ABL2: variants seen among roughly 807,000 people sequenced by gnomAD.
ABL2 encodes the protein ABL proto-oncogene 2, non-receptor tyrosine kinase.
In ABL2, 49 loss-of-function variants were observed where a neutral mutation model predicts 107.7. That is an observed-to-expected ratio of 0.45 (90% confidence interval 0.36 to 0.58). The LOEUF is 0.58. Among genes scored for constraint, ABL2 ranks in the 20% least tolerant of loss-of-function variants. The pLI, the probability that ABL2 is intolerant of heterozygous loss-of-function variation, is 0.00. For missense variants in ABL2, 1,245 were observed against 1,457.0 expected (o/e 0.85, Z 2.37); for synonymous variants, 549 against 548.6 (o/e 1.00, Z -0.01).
intron 2 of ABL2, 76 bp from the exon 3 acceptor site, chr1:179,131,557 C>T: frequency 6.9e-7 from 1 of 1,451,740 alleles, no homozygotes; most frequent in South Asian, 1.2e-5. Context: ...ATTATATACA[C>T]AGTATTTCAG....
At chr1:179,111,747 C>A (rs1476293321) in intron 10 of ABL2, among the ~76,000 whole-genome samples, 3 of 151,748 alleles carry the variant, frequency 2.0e-5, no homozygotes, top group African/African-American at 7.3e-5. Flanking sequence ...CTTTCCATGT[C>A]AATATATCCA....
chr1:179,115,875 A>G (rs560497136), intron 8 of ABL2, among the ~76,000 whole-genome samples: 1 of 152,334 alleles, frequency 6.6e-6, no homozygotes, highest in East Asian at 1.9e-4. Context: ...CCAGTAAAAA[A>G]TGACTTAGAA....
intron 1 of ABL2, among the ~76,000 whole-genome samples, chr1:179,147,569 A>G (rs767294187): frequency 1.3e-5 from 2 of 152,228 alleles, no homozygotes; most frequent in Non-Finnish European, 2.9e-5. Context: ...TTGCAGCAAC[A>G]TGGTTGGAAC....
chr1:179,110,463 G>A lies in ABL2; in HGVS notation c.1652-8C>T, dbSNP rs1459824851. 6.3e-7 allele frequency: 1 copy of A among 1,598,088 alleles called. No homozygotes were observed. Among genetic ancestry groups the A allele is most frequent in the Non-Finnish European group, 8.5e-7 (1 of 1,175,686 alleles). Reference sequence around the variant, plus strand: ...CAAGCTCCTCAGCTACCTCTGTGAGGAAGACAAGGGGACCAATAAAAAGAA... The same window carrying A: ...CAAGCTCCTCAGCTACCTCTGTGAGAAAGACAAGGGGACCAATAAAAAGAA... On this transcript the variant is annotated splice_polypyrimidine_tract_variant and splice_region_variant and intron_variant, in intron 10 of 11. Transcript: ENST00000502732.
intron 1 of ABL2, among the ~76,000 whole-genome samples, chr1:179,142,769 G>A (rs1477516534): frequency 6.6e-6 from 1 of 151,974 alleles, no homozygotes; most frequent in Non-Finnish European, 1.5e-5. Context: ...AGTATTTATT[G>A]AGATCCTACT....
intron 1 of ABL2, among the ~76,000 whole-genome samples, chr1:179,199,835 C>G (rs1661561336): frequency 6.7e-6 from 1 of 149,258 alleles, no homozygotes; most frequent in African/African-American, 2.5e-5. Context: ...TGCGCTCAAG[C>G]AATCCTCTCA....
chr1:179,109,842 G>A (rs1454912555), intron 11 of ABL2, among the ~76,000 whole-genome samples: 1 of 151,748 alleles, frequency 6.6e-6, no homozygotes, highest in Non-Finnish European at 1.5e-5. Flanking sequence ...GCAGGAGAAT[G>A]GCGTGAACCC....
rs1400502071 is a variant in ABL2, at chr1:179,108,487, T to A, written c.2780A>T (p.His927Leu). The change falls in exon 12 of 12, where the codon CAC (histidine) becomes CTC (leucine). Residue 927 changes from histidine (H) to leucine (L), a missense_variant. By Grantham distance (99) the His-to-Leu change is moderately conservative (BLOSUM62 -3). Around this residue, in one of 3 missense-constraint regions of ABL2, gnomAD observed 761 missense variants for 766.4 expected, o/e 0.99. Coordinates refer to ENST00000502732, the MANE Select transcript of ABL2 (RefSeq NM_007314.4). ...AKAAPVLPTT[H>L]NHKVPVLISP... Reference sequence around the variant, plus strand: ...GATAAGGACTGGCACTTTGTGGTTGTGAGTGGTTGGGAGGACGGGGGCAGC... The same window carrying A: ...GATAAGGACTGGCACTTTGTGGTTGAGAGTGGTTGGGAGGACGGGGGCAGC... 6.2e-7 allele frequency: 1 copy of A among 1,614,198 alleles called. No individual in the cohort carries two copies. Among genetic ancestry groups the A allele is most frequent in the Admixed American group, 1.7e-5 (1 of 60,018 alleles).
At chr1:179,215,330 G>A (rs1043674306) in intron 1 of ABL2, among the ~76,000 whole-genome samples, 1 of 152,092 alleles carries the variant, frequency 6.6e-6, no homozygotes, top group East Asian at 1.9e-4. Context: ...TTCTAATAAG[G>A]GAATATGTAT....
rs1314713517 is a variant in ABL2 at position 179,140,957 on chromosome 1, T to C, written c.158-7583A>G. Among the ~76,000 whole-genome samples, 3 of 151,922 alleles carry C rather than the reference T, an allele frequency of 2.0e-5. No individual in the cohort carries two copies. In the East Asian group the frequency reaches 5.8e-4, roughly 29 times the overall value. On this transcript the variant is annotated intron_variant, in intron 1 of 11. Coordinates refer to ENST00000502732, the MANE Select transcript of ABL2 (RefSeq NM_007314.4). ...GAGTTCGAGACCAGTCTGGCCAACA[T>C]GGCAAAACCCTGACTGGGTGTGGTG...
chr1:179,225,723 A>C (rs1663157574), intron 1 of ABL2, among the ~76,000 whole-genome samples: 1 of 152,140 alleles, frequency 6.6e-6, no homozygotes, highest in African/African-American at 2.4e-5. Flanking sequence ...AGCCAGCCCA[A>C]AATATCAATG....
In ABL2 at chr1:179,106,223, C is replaced by T. The variant is rs1653463082; in HGVS notation, c.*1495G>A. 4.4e-6 allele frequency: 1 copy of T among 225,952 alleles called. No individual in the cohort carries two copies. Among genetic ancestry groups the T allele is most frequent in the Admixed American group, 5.7e-5 (1 of 17,526 alleles). The allele number at this position is 225,952 out of a possible 1,614,324, so 14.0% of individuals were successfully genotyped here. A position where few individuals can be genotyped will look rare whatever the true frequency, so the allele number is the denominator to read the frequency against. On this transcript the variant is annotated 3_prime_UTR_variant, in exon 12 of 12. Coordinates refer to ENST00000502732, the MANE Select transcript of ABL2 (RefSeq NM_007314.4). ...CTGGAATTAGACCCGATACCAAGAA[C>T]ATTAATAATACCTAACTCATTAGAT... is the stretch of plus-strand genomic sequence containing the variant.
At chr1:179,187,027 C>A (rs1300485945) in intron 1 of ABL2, among the ~76,000 whole-genome samples, 1 of 152,170 alleles carries the variant, frequency 6.6e-6, no homozygotes, top group Non-Finnish European at 1.5e-5. Flanking sequence ...CCACCACGCC[C>A]GGCCCCATTA....
At chr1:179,179,774 T>C (rs1355482218) in intron 1 of ABL2, among the ~76,000 whole-genome samples, 1 of 151,956 alleles carries the variant, frequency 6.6e-6, no homozygotes, top group South Asian at 2.1e-4. Flanking sequence ...AGTACAACTG[T>C]GATATATATT....
intron 1 of ABL2, among the ~76,000 whole-genome samples, chr1:179,146,911 C>T: frequency 6.6e-6 from 1 of 152,006 alleles, no homozygotes; most frequent in East Asian, 1.9e-4. Context: ...TGCTTTTCTA[C>T]CTAAAGACAG....
chr1:179,105,781 T>C lies in ABL2; in HGVS notation c.*1937A>G, dbSNP rs939271772. ...TCTTGGTCAAAAATGCCAAACTCTA[T>C]TCAAAACATAGTTTTCCCCTTAGTA... On this transcript the variant is annotated 3_prime_UTR_variant, in exon 12 of 12. Coordinates refer to ENST00000502732, the MANE Select transcript of ABL2 (RefSeq NM_007314.4). 4 of 225,920 alleles carry C rather than the reference T, an allele frequency of 1.8e-5. No individual in the cohort carries two copies. The highest frequency in any genetic ancestry group is 8.9e-5 in the African/African-American group (4 of 44,970). 14.0% of individuals were successfully genotyped at this position (225,920 alleles called of 1,614,324 possible).
chr1:179,158,327 T>C (rs370268718), intron 1 of ABL2, among the ~76,000 whole-genome samples: 1 of 152,236 alleles, frequency 6.6e-6, no homozygotes, highest in African/African-American at 2.4e-5. Flanking sequence ...CTTGGTTATA[T>C]AAACCAGGTG....
In ABL2 at chr1:179,105,231, A is replaced by C. The variant is rs543228160; in HGVS notation, c.*2487T>G. On this transcript the variant is annotated 3_prime_UTR_variant, in exon 12 of 12. Transcript: ENST00000502732. ...CCTTCAGATTGTTGTTGGGCAAGAAAACCAGGGAGCCTAAATACACTCAGT... is the reference window on the plus strand; with the variant it reads ...CCTTCAGATTGTTGTTGGGCAAGAACACCAGGGAGCCTAAATACACTCAGT... The C allele has an allele frequency of 4.3e-6, 1 of 231,246 alleles. No individual in the cohort carries two copies. The highest frequency in any genetic ancestry group is 1.8e-4 in the South Asian group (1 of 5,502). The allele number at this position is 231,246 out of a possible 1,614,324, so 14.3% of individuals were successfully genotyped here. A position where few individuals can be genotyped will look rare whatever the true frequency, so the allele number is the denominator to read the frequency against.
chr1:179,118,893 C>A (rs1228669124), intron 6 of ABL2, 129 bp from the exon 7 acceptor site: 8 of 962,046 alleles, frequency 8.3e-6, no homozygotes, highest in Non-Finnish European at 1.2e-5. Context: ...CTTACCACCA[C>A]GTTCTCTGAA....
Sources: allele counts gnomAD v4.1 joint callset (sites outside exome capture counted in the v4.1 genomes callset), GRCh38; gene constraint gnomAD v4.1.1; regional missense constraint gnomAD v4.1.1; transcripts MANE v1.5; gene names NCBI Gene and HGNC (gene_info 2026-07-23, HGNC 2026-07-21).